The following MED19 variants were observed in gnomAD, a reference collection of about 807,000 sequenced individuals.
MED19 encodes mediator of RNA polymerase II transcription subunit 19.
A neutral mutation model predicts 19.9 loss-of-function variants in MED19; 4 were observed. The observed-to-expected ratio is 0.20, with a 90% CI of 0.10 to 0.46. The LOEUF is 0.46. Among genes scored for constraint, MED19 ranks in the 20% least tolerant of loss-of-function variants. The pLI is 0.99. For synonymous variants in MED19, 139 were observed against 119.6 expected (o/e 1.16, Z -1.06); for missense variants, 303 against 318.7 (o/e 0.95, Z 0.38).
At chr11:57,712,175 T>G in exon 1 of MED19, 2 of 1,522,954 alleles carry the variant, frequency 1.3e-6, no homozygotes, top group East Asian at 2.6e-5. Context: ...CGTGAAATTC[T>G]CCATCGTACC....
intron 3 of MED19, 59 bp downstream of exon 3, chr11:57,704,660 G>A (rs1373869247): frequency 8.7e-7 from 1 of 1,154,758 alleles, no homozygotes; most frequent in East Asian, 2.5e-5. Context: ...ACCAGATTCA[G>A]AAGGTCAGGT....
At chr11:57,703,927 C>A in exon 5 of MED19, 3 of 1,447,116 alleles carry the variant, frequency 2.1e-6, no homozygotes, top group Non-Finnish European at 2.7e-6. Flanking sequence ...TGGCCTCTGT[C>A]CCAGCTGCAG....
At chr11:57,710,457 C>G (rs910992585) in intron 1 of MED19, among the ~76,000 whole-genome samples, 3 of 152,226 alleles carry the variant, frequency 2.0e-5, no homozygotes, top group Admixed American at 6.5e-5. Flanking sequence ...CCAGCTTCAT[C>G]TCTCTCCCTA....
exon 5 of MED19, chr11:57,703,815 G>A: frequency 1.9e-6 from 1 of 516,448 alleles, no homozygotes; most frequent in East Asian, 3.2e-5. Flanking sequence ...AGCTTCCTGG[G>A]AGAGGAAGAG....
At chr11:57,704,545 G>A (rs1946484138) in intron 3 of MED19, 149 bp from the exon 4 acceptor site, 1 of 1,585,016 alleles carries the variant, frequency 6.3e-7, no homozygotes, top group Non-Finnish European at 8.5e-7. Flanking sequence ...TAGAGTCCCT[G>A]TCCCAAGTCC....
intron 1 of MED19, among the ~76,000 whole-genome samples, chr11:57,707,910 G>A (rs937032474): frequency 5.3e-5 from 8 of 152,136 alleles, no homozygotes; most frequent in Non-Finnish European, 1.2e-4. Flanking sequence ...TTAGCTCACT[G>A]CAATCTCTGC....
chr11:57,707,860 T>C (rs1481512443), intron 1 of MED19, among the ~76,000 whole-genome samples: 1 of 152,198 alleles, frequency 6.6e-6, no homozygotes, highest in Non-Finnish European at 1.5e-5. Flanking sequence ...TTTGAGACAG[T>C]CTCGCTCTGT....
rs624000 is a variant in MED19, at chr11:57,704,705, G to C, written c.571+14C>G. ...TTTTTTTTTTTTTTTGCTTTGAATA[G>C]AACTGCTTCTTACCTGGGGGGACAG... On this transcript the variant is annotated intron_variant, in intron 3 of 4. Transcript: ENST00000431606. 8.0e-6 allele frequency: 6 copies of C among 745,356 alleles called. No homozygotes were observed. The highest frequency in any genetic ancestry group is 4.7e-5 in the Admixed American group (2 of 42,120). 46.2% of individuals were successfully genotyped at this position (745,356 alleles called of 1,614,324 possible).
chr11:57,705,824 T>C (rs577218512), intron 1 of MED19, among the ~76,000 whole-genome samples: 10 of 152,172 alleles, frequency 6.6e-5, no homozygotes, highest in Non-Finnish European at 1.5e-4. Context: ...CTGGAGTTGA[T>C]TTATATGATG....
exon 5 of MED19, chr11:57,704,000 C>A (rs1181902668): frequency 1.3e-6 from 2 of 1,534,834 alleles, no homozygotes; most frequent in African/African-American, 1.4e-5. Context: ...TTCAGTACAG[C>A]AGGAAAAGCC....
intron 4 of MED19, 96 bp from the exon 5 acceptor site, chr11:57,704,202 A>C (rs777218562): frequency 1.4e-5 from 21 of 1,526,326 alleles, no homozygotes; most frequent in Non-Finnish European, 1.8e-5. Flanking sequence ...TTGGGTTTTC[A>C]ATCTTGGGTC....
At position 57,707,700 on chromosome 11, in the gene MED19, T is replaced by C. The variant is rs1358357768; in HGVS notation, c.218-2471A>G. Among the ~76,000 whole-genome samples, 3 of 152,318 alleles carry C rather than the reference T, an allele frequency of 2.0e-5. No homozygotes were observed. The East Asian group carries it at 5.8e-4, about 29-fold the overall frequency. ...TCTTGCCATTACAATCTTCTGAATTTCCCCTGCTCTGCCAACTCTCCTCTG... is the reference window on the plus strand; with the variant it reads ...TCTTGCCATTACAATCTTCTGAATTCCCCCTGCTCTGCCAACTCTCCTCTG... On this transcript the variant is annotated intron_variant, in intron 1 of 4. Transcript: ENST00000431606.
At chr11:57,706,622 T>C (rs907541849) in intron 1 of MED19, among the ~76,000 whole-genome samples, 2 of 151,104 alleles carry the variant, frequency 1.3e-5, no homozygotes, top group African/African-American at 4.9e-5. Context: ...AATACAAAAA[T>C]TAGCTGGACA....
At chr11:57,706,085 T>C (rs1946505048) in intron 1 of MED19, among the ~76,000 whole-genome samples, 1 of 152,034 alleles carries the variant, frequency 6.6e-6, no homozygotes, top group Admixed American at 6.6e-5. Context: ...CTGCCTAACT[T>C]GTTACCAACA....
intron 1 of MED19, 67 bp downstream of exon 1, chr11:57,711,896 G>A (rs759637945): frequency 7.3e-7 from 1 of 1,372,114 alleles, no homozygotes; most frequent in Non-Finnish European, 9.5e-7. Context: ...CTAGCCGGCT[G>A]AGAGCCACGC....
rs539847545 is a variant in MED19 at position 57,707,341 on chromosome 11, T to A, written c.218-2112A>T. Reference sequence around the variant, plus strand: ...AAGGGTAGAAATAGCTAACTACAACTTCATTTGTAATTATGATAGACACAG... The same window carrying A: ...AAGGGTAGAAATAGCTAACTACAACATCATTTGTAATTATGATAGACACAG... On this transcript the variant is annotated intron_variant, in intron 1 of 4. Coordinates refer to ENST00000431606, the Ensembl canonical transcript of MED19. Among the ~76,000 whole-genome samples, 14 of 152,310 alleles carry A rather than the reference T, an allele frequency of 9.2e-5. No homozygotes were observed. The South Asian group carries it at 2.1e-3, about 23-fold the overall frequency.
At chr11:57,705,273 T>C (rs1565203664) in intron 1 of MED19, 44 bp from the exon 2 acceptor site, 1 of 1,600,540 alleles carries the variant, frequency 6.2e-7, no homozygotes, top group Non-Finnish European at 8.5e-7. Flanking sequence ...GTCTTCAAAG[T>C]AGACCCAGGG....
At chr11:57,704,587 A>G in intron 3 of MED19, 132 bp downstream of exon 3, 2 of 1,602,098 alleles carry the variant, frequency 1.2e-6, no homozygotes, top group Non-Finnish European at 1.7e-6. Context: ...TTTCTTCTTC[A>G]GGGGAATTTA....
Position 57,704,829 on chromosome 11 carries a change from A to AG in MED19, c.475-15dup. ...CTGCTCCGGCAACTGAAGGAACCAA[A>AG]GGAAGGTCCAGGTGAGTAGAGGGAG... On this transcript the variant is annotated splice_polypyrimidine_tract_variant and intron_variant, in intron 2 of 4. Coordinates refer to ENST00000431606, the Ensembl canonical transcript of MED19. 6.2e-7 allele frequency: 1 copy of AG among 1,613,420 alleles called. No homozygotes were observed. The highest frequency in any genetic ancestry group is 1.1e-5 in the South Asian group (1 of 91,048).
Sources: allele counts gnomAD v4.1 joint callset (sites outside exome capture counted in the v4.1 genomes callset), GRCh38; gene constraint gnomAD v4.1.1; transcripts MANE v1.5; gene names NCBI Gene and HGNC (gene_info 2026-07-23, HGNC 2026-07-21).